The following PFKFB3 variants were observed in gnomAD, a reference collection of about 807,000 sequenced individuals.
PFKFB3 encodes 6-phosphofructo-2-kinase/fructose-2,6-biphosphatase 3.
Under a neutral mutation model 68.0 loss-of-function variants are expected in PFKFB3, and 33 were observed. The ratio of observed to expected loss-of-function variants is 0.49; its 90% CI spans 0.37 to 0.65. The LOEUF is 0.65. Ranked by LOEUF, PFKFB3 falls within the 30% of genes least tolerant of loss-of-function variation. PFKFB3 has a pLI of 0.00. For synonymous variants in PFKFB3, 315 were observed against 288.2 expected (o/e 1.09, Z -0.94); for missense variants, 586 against 712.2 (o/e 0.82, Z 2.02).
intron 1 of PFKFB3, among the ~76,000 whole-genome samples, chr10:6,169,840 T>G (rs371352155): frequency 1.3e-5 from 2 of 152,332 alleles, no homozygotes; most frequent in South Asian, 2.1e-4. Flanking sequence ...GTTTTATGTT[T>G]CCCTAACATT....
At chr10:6,256,304 A>T (rs575305818), downstream of PFKFB3, among the ~76,000 whole-genome samples, 2 of 152,266 alleles carry the variant, frequency 1.3e-5, no homozygotes, top group East Asian at 3.9e-4. Flanking sequence ...TTGTTTTGGG[A>T]TAGGAAGTGG....
At chr10:6,292,269 TTTTTTTTTC>T in the PFKFB3 span, among the ~76,000 whole-genome samples, 39 of 130,290 alleles carry the variant, frequency 3.0e-4, 2 homozygotes, top group East Asian at 1.4e-3. Context: ...CAGTGTACTT[TTTTTTTTTC>T]TTTTTTTTTT....
chr10:6,317,274 T>A, the PFKFB3 span, among the ~76,000 whole-genome samples: 5 of 152,188 alleles, frequency 3.3e-5, no homozygotes. Context: ...CAGTGATGCA[T>A]CTCCCTGGGT....
At chr10:6,238,745 G>T (rs1164694187), downstream of PFKFB3, among the ~76,000 whole-genome samples, 1 of 152,022 alleles carries the variant, frequency 6.6e-6, no homozygotes, top group Non-Finnish European at 1.5e-5. Flanking sequence ...ATAGGCCCCA[G>T]TGTGTGGTGT....
intron 14 of PFKFB3, among the ~76,000 whole-genome samples, chr10:6,241,872 A>C (rs1270602310): frequency 3.3e-5 from 4 of 122,620 alleles, no homozygotes; most frequent in Non-Finnish European, 5.0e-5. Flanking sequence ...AGAGATGGGG[A>C]TCTTACTCTG....
At chr10:6,174,888 T>G (rs1291120360) in intron 1 of PFKFB3, among the ~76,000 whole-genome samples, 1 of 151,718 alleles carries the variant, frequency 6.6e-6, no homozygotes, top group Non-Finnish European at 1.5e-5. Context: ...CGATCTCGGC[T>G]CACTGCAACC....
At chr10:6,175,264 A>G (rs1842429509) in intron 1 of PFKFB3, among the ~76,000 whole-genome samples, 1 of 152,102 alleles carries the variant, frequency 6.6e-6, no homozygotes, top group Non-Finnish European at 1.5e-5. Context: ...GTGAGATTGC[A>G]TCTCTCAGTC....
At chr10:6,285,784 T>A in the PFKFB3 span, among the ~76,000 whole-genome samples, 2 of 152,186 alleles carry the variant, frequency 1.3e-5, no homozygotes, top group African/African-American at 4.8e-5. Flanking sequence ...CTATTTTAGA[T>A]ACCTCGTGTA....
chr10:6,246,155 G>C (rs1162525964), intron 14 of PFKFB3, among the ~76,000 whole-genome samples: 1 of 152,154 alleles, frequency 6.6e-6, no homozygotes, highest in African/African-American at 2.4e-5. Flanking sequence ...CATTGACACA[G>C]TGAATTTGCC....
chr10:6,205,294 GA>G (rs1348058123), intron 1 of PFKFB3, among the ~76,000 whole-genome samples: 1 of 152,052 alleles, frequency 6.6e-6, no homozygotes, highest in African/African-American at 2.4e-5. Flanking sequence ...TACTGGAATG[GA>G]GGGAAGAAGG....
chr10:6,237,512 C>T (rs1389654927), downstream of PFKFB3, among the ~76,000 whole-genome samples: 1 of 152,226 alleles, frequency 6.6e-6, no homozygotes, highest in African/African-American at 2.4e-5. Context: ...ATTGTATTAA[C>T]AAAAATTCAA....
intron 14 of PFKFB3, among the ~76,000 whole-genome samples, chr10:6,252,708 C>A (rs1168175311): frequency 6.6e-6 from 1 of 152,102 alleles, no homozygotes; most frequent in South Asian, 2.1e-4. Context: ...CATATATATG[C>A]AGAGATTTGA....
At position 6,229,989 on chromosome 10, in the gene PFKFB3, T is replaced by C. The variant is rs1588542334; in HGVS notation, c.1516-2906T>C. On this transcript the variant is annotated intron_variant, in intron 14 of 14. Coordinates refer to ENST00000379775, the MANE Select transcript of PFKFB3 (RefSeq NM_004566.4). This position sits in a 1 kb window ranked among gnomAD's most constrained non-coding sequence, Gnocchi z 4.3. ...GCCTCTCAGTGGGCTATGGACTGGG[T>C]ACTGGTCCACAGCCCAGGGGTTAGG... Among the ~76,000 whole-genome samples, 1 of 152,068 alleles carries C rather than the reference T, an allele frequency of 6.6e-6. No individual in the cohort carries two copies. Among genetic ancestry groups the C allele is most frequent in the East Asian group, 1.9e-4 (1 of 5,188 alleles).
the PFKFB3 span, among the ~76,000 whole-genome samples, chr10:6,259,650 C>A: frequency 6.6e-6 from 1 of 152,210 alleles, no homozygotes; most frequent in Admixed American, 6.5e-5. Flanking sequence ...ATCCATCCAT[C>A]CTTCCATCCA....
chr10:6,176,828 G>C (rs1195195959), intron 1 of PFKFB3, among the ~76,000 whole-genome samples: 1 of 152,192 alleles, frequency 6.6e-6, no homozygotes, highest in Non-Finnish European at 1.5e-5. Flanking sequence ...CTAATGGCTT[G>C]GATGAGATCG....
chr10:6,232,249 G>T (rs938788848), intron 14 of PFKFB3, among the ~76,000 whole-genome samples: 18 of 151,808 alleles, frequency 1.2e-4, no homozygotes, highest in Admixed American at 7.2e-4. Flanking sequence ...TTTTTTTGCG[G>T]GGGGTGGGTG....
chr10:6,205,779 A>ATTAT (rs57825789), intron 1 of PFKFB3, among the ~76,000 whole-genome samples: 26,472 of 146,176 alleles, frequency 0.18, 2,611 homozygotes, highest in South Asian at 0.22. Flanking sequence ...CCTGAGGTTT[A>ATTAT]TTATTTATTT....
the PFKFB3 span, among the ~76,000 whole-genome samples, chr10:6,274,333 G>A: frequency 8.5e-5 from 13 of 152,136 alleles, no homozygotes; most frequent in Non-Finnish European, 1.9e-4. Flanking sequence ...GTCCTCCAGG[G>A]TTGATCCTGA....
the PFKFB3 span, among the ~76,000 whole-genome samples, chr10:6,263,087 CAGAGCCG>C: frequency 6.6e-6 from 1 of 152,240 alleles, no homozygotes; most frequent in African/African-American, 2.4e-5. Context: ...TCATAGCCTT[CAGAGCCG>C]AGAGCCCCGA....
Sources: gnomAD v4.1 joint callset for allele counts (sites outside exome capture counted in the v4.1 genomes callset) on GRCh38, gnomAD v4.1.1 for gene constraint, Gnocchi (gnomAD v3.1) non-coding constraint, MANE v1.5 for transcripts, NCBI Gene and HGNC (gene_info 2026-07-23, HGNC 2026-07-21) for gene names.